SEC14L1: variants seen among roughly 807,000 people sequenced by gnomAD.
SEC14L1 encodes SEC14-like protein 1.
Under a neutral mutation model 85.3 loss-of-function variants are expected in SEC14L1, and 48 were observed. That is an observed-to-expected ratio of 0.56 (90% confidence interval 0.45 to 0.72). The LOEUF is 0.72. Ranked by LOEUF, SEC14L1 falls within the 30% of genes least tolerant of loss-of-function variation. The pLI, the probability that SEC14L1 is intolerant of heterozygous loss-of-function variation, is 0.00. For missense variants in SEC14L1, 682 were observed against 921.4 expected (o/e 0.74, Z 3.36); for synonymous variants, 391 against 355.5 (o/e 1.10, Z -1.12).
At chr17:77,183,435 A>G (rs954212502) in intron 3 of SEC14L1, among the ~76,000 whole-genome samples, 2 of 152,202 alleles carry the variant, frequency 1.3e-5, no homozygotes, top group Non-Finnish European at 2.9e-5. Flanking sequence ...ATACTAAAAC[A>G]TGTATTGCCT....
chr17:77,152,962 A>G (rs1234721657), intron 3 of SEC14L1, among the ~76,000 whole-genome samples: 2 of 152,204 alleles, frequency 1.3e-5, no homozygotes, highest in East Asian at 3.9e-4. Flanking sequence ...AGTTACCTTA[A>G]CCTTTTGCTG....
intron 3 of SEC14L1, among the ~76,000 whole-genome samples, chr17:77,113,713 T>TTGCTATGAGCCGAAATTGCG (rs1972101819): frequency 6.6e-6 from 1 of 152,044 alleles, no homozygotes; most frequent in Non-Finnish European, 1.5e-5. Context: ...GCCACTGCAC[T>TTGCTATGAGCCGAAATTGCG]CCAGCCTGGG....
chr17:77,104,354 C>T (rs1598222094), intron 3 of SEC14L1, among the ~76,000 whole-genome samples: 7 of 148,828 alleles, frequency 4.7e-5, no homozygotes, highest in Admixed American at 4.7e-4. Flanking sequence ...ATCTCCTGAC[C>T]TCATGATCCA....
chr17:77,150,107 C>T (rs765128193), intron 3 of SEC14L1, among the ~76,000 whole-genome samples: 1 of 152,192 alleles, frequency 6.6e-6, no homozygotes, highest in Non-Finnish European at 1.5e-5. Context: ...TTGTTTCGCT[C>T]TCCTGCTCCT....
At chr17:77,117,297 A>C (rs912465953) in intron 3 of SEC14L1, among the ~76,000 whole-genome samples, 1 of 152,142 alleles carries the variant, frequency 6.6e-6, no homozygotes, top group Admixed American at 6.6e-5. Flanking sequence ...CAGTGAGCCA[A>C]GATCGAGCCA....
intron 3 of SEC14L1, among the ~76,000 whole-genome samples, chr17:77,153,732 T>G (rs1209407273): frequency 6.6e-6 from 1 of 152,152 alleles, no homozygotes; most frequent in African/African-American, 2.4e-5. Context: ...AGTCAGTCCT[T>G]GCCCTCTTCT....
intron 3 of SEC14L1, among the ~76,000 whole-genome samples, chr17:77,096,055 C>CTT (rs58863646): frequency 0.026 from 3,273 of 124,198 alleles, 174 homozygotes; most frequent in African/African-American, 0.093. Flanking sequence ...TGCAGTCAGT[C>CTT]TTTTTTTTTT....
rs142642724 is a variant in SEC14L1 at position 77,159,899 on chromosome 17, G to T, written c.63+16240G>T. The stretch of plus-strand genomic sequence containing the variant: ...CTTAAATAAAAGGGTGAACTCCTGT[G>T]CTAAGGGAATGGAGGTGGTAGAGAA... On this transcript the variant is annotated intron_variant, in intron 3 of 16. Coordinates refer to ENST00000436233, the MANE Select transcript of SEC14L1 (RefSeq NM_001143998.2). Among the ~76,000 whole-genome samples, 6 of 152,320 alleles carry T rather than the reference G, an allele frequency of 3.9e-5. No individual in the cohort carries two copies. The East Asian group carries it at 7.7e-4, about 20-fold the overall frequency.
At chr17:77,210,268 A>G (rs1462448461) in intron 14 of SEC14L1, 1 of 152,398 alleles carries the variant, frequency 6.6e-6, no homozygotes. Context: ...CACTTTTGGT[A>G]GAGAAGCAAG....
intron 3 of SEC14L1, among the ~76,000 whole-genome samples, chr17:77,179,810 G>A (rs4789417): frequency 0.36 from 54,162 of 151,338 alleles, 9,906 homozygotes; most frequent in South Asian, 0.43. Context: ...GAGTAGCTGG[G>A]ACTACAGGCG....
intron 3 of SEC14L1, among the ~76,000 whole-genome samples, chr17:77,154,115 A>T (rs577763997): frequency 6.6e-6 from 1 of 152,356 alleles, no homozygotes; most frequent in Admixed American, 6.5e-5. Flanking sequence ...AACGCATGCA[A>T]CAACTATTTA....
Position 77,216,860 on chromosome 17 carries a change from A to G in SEC14L1, c.*2837A>G. 1 of 365,558 alleles carries G rather than the reference A, an allele frequency of 2.7e-6. No homozygotes were observed. Among genetic ancestry groups the G allele is most frequent in the Non-Finnish European group, 5.0e-6 (1 of 200,030 alleles). The allele number at this position is 365,558 out of a possible 1,614,324, so 22.6% of individuals were successfully genotyped here. A position where few individuals can be genotyped will look rare whatever the true frequency, so the allele number is the denominator to read the frequency against. On this transcript the variant is annotated 3_prime_UTR_variant, in exon 17 of 17. Transcript: ENST00000436233. ...AGTATGCAGTTTGCATCGTGTTTCT[A>G]CCTTTAGTACCTTGCCACTCTTTTA...
rs1158272624 is a variant in SEC14L1, at chr17:77,216,082, T to C, written c.*2059T>C. ...TAGTAGGTAGGGCTAGTAGGTAGGG[T>C]TAGTAGGTAGGGCTAGTAGGTAGGG... On this transcript the variant is annotated 3_prime_UTR_variant, in exon 17 of 17. Coordinates refer to ENST00000436233, the MANE Select transcript of SEC14L1 (RefSeq NM_001143998.2). The C allele has an allele frequency of 3.0e-5, 29 of 972,798 alleles. 1 individual carries two copies. Among genetic ancestry groups the C allele is most frequent in the East Asian group, 2.4e-4 (2 of 8,366 alleles). 60.3% of individuals were successfully genotyped at this position (972,798 alleles called of 1,614,324 possible). A position where few individuals can be genotyped will look rare whatever the true frequency, so the allele number is the denominator to read the frequency against.
intron 1 of SEC14L1, chr17:77,141,429 C>T (rs1376797456): frequency 1.3e-5 from 2 of 150,674 alleles, no homozygotes; most frequent in Non-Finnish European, 3.0e-5. Flanking sequence ...CAGTGCCCGC[C>T]CCTCTCTCCC....
intron 3 of SEC14L1, among the ~76,000 whole-genome samples, chr17:77,180,180 T>C (rs965325122): frequency 6.6e-6 from 1 of 151,908 alleles, no homozygotes; most frequent in Non-Finnish European, 1.5e-5. Flanking sequence ...CTTGGTTCAC[T>C]GCAACCCCTG....
intron 3 of SEC14L1, chr17:77,098,877 G>A (rs1286485986): frequency 6.6e-6 from 1 of 152,214 alleles, no homozygotes; most frequent in African/African-American, 2.4e-5. Flanking sequence ...GTAGATATGT[G>A]TGTTTCATTT....
At chr17:77,177,270 G>T (rs73998639) in intron 3 of SEC14L1, among the ~76,000 whole-genome samples, 3 of 151,168 alleles carry the variant, frequency 2.0e-5, no homozygotes, top group African/African-American at 7.3e-5. Context: ...TAGAGCCCCC[G>T]GGCTGATGTC....
In SEC14L1 at chr17:77,213,308, T is replaced by C. The variant is rs1976863493; in HGVS notation, c.1864-6T>C. On this transcript the variant is annotated splice_polypyrimidine_tract_variant and splice_region_variant and intron_variant, in intron 15 of 16. Transcript: ENST00000436233. This position sits in a 1 kb window ranked among gnomAD's most constrained non-coding sequence, Gnocchi z 7.1. ...CCCTCAGCTGCCACTGCCCTACTTGTTCTAGGGTTCCCATGTGACCAGGTG... is the reference window on the plus strand; with the variant it reads ...CCCTCAGCTGCCACTGCCCTACTTGCTCTAGGGTTCCCATGTGACCAGGTG... 1 of 1,601,742 alleles carries C rather than the reference T, an allele frequency of 6.2e-7. No homozygotes were observed. Among genetic ancestry groups the C allele is most frequent in the Non-Finnish European group, 8.5e-7 (1 of 1,174,012 alleles).
chr17:77,206,204 A>C lies in SEC14L1; in HGVS notation c.1170-25A>C, dbSNP rs756401396. 6.2e-7 allele frequency: 1 copy of C among 1,607,116 alleles called. No homozygotes were observed. The highest frequency in any genetic ancestry group is 8.5e-7 in the Non-Finnish European group (1 of 1,174,270). On this transcript the variant is annotated intron_variant, in intron 11 of 16. Coordinates refer to ENST00000436233, the MANE Select transcript of SEC14L1 (RefSeq NM_001143998.2). The surrounding 1 kb of genome is among the most constrained non-coding windows in gnomAD (Gnocchi z 4.3). The stretch of plus-strand genomic sequence containing the variant: ...TGCTAAGTGTGCTGTCTGTTGAATG[A>C]AACACATCTCTGCACAACCTGCAGC...
Sources: gnomAD v4.1 joint callset for allele counts (sites outside exome capture counted in the v4.1 genomes callset) on GRCh38, gnomAD v4.1.1 for gene constraint, Gnocchi (gnomAD v3.1) non-coding constraint, MANE v1.5 for transcripts, NCBI Gene and HGNC (gene_info 2026-07-23, HGNC 2026-07-21) for gene names.